The following HRK variants were observed in gnomAD, a reference collection of about 807,000 sequenced individuals.
HRK encodes the protein activator of apoptosis harakiri.
In HRK, 6 loss-of-function variants were observed where a neutral mutation model predicts 5.9. The ratio of observed to expected loss-of-function variants is 1.02; its 90% CI spans 0.56 to 2.01. The LOEUF is 2.01. HRK is among the 30% of genes most tolerant of loss of function. The probability of loss-of-function intolerance (pLI) is 0.00; values close to 1 mark genes in which losing one functional copy is unlikely to be tolerated. For synonymous variants in HRK, 85 were observed against 65.1 expected (o/e 1.31, Z -1.47); for missense variants, 133 against 128.3 (o/e 1.04, Z -0.18).
chr12:116,867,485 A>G (rs1408800132), intron 1 of HRK, among the ~76,000 whole-genome samples: 1 of 152,130 alleles, frequency 6.6e-6, no homozygotes, highest in African/African-American at 2.4e-5. Context: ...GTGCATGTCT[A>G]TAGTCCCAGC....
chr12:116,875,407 G>A (rs1878892659), intron 1 of HRK, among the ~76,000 whole-genome samples: 1 of 152,126 alleles, frequency 6.6e-6, no homozygotes, highest in South Asian at 2.1e-4. Flanking sequence ...ATGAAAGCAG[G>A]GAACTCTTAT....
Position 116,871,065 on chromosome 12 carries a change from C to T in HRK, c.*57-9599G>A, listed in dbSNP as rs753568151. Among the ~76,000 whole-genome samples, 106 of 149,206 alleles carry T rather than the reference C, an allele frequency of 7.1e-4. 1 individual carries two copies. The highest frequency in any genetic ancestry group is 1.2e-3 in the Non-Finnish European group (79 of 67,170). On this transcript the variant is annotated intron_variant, in intron 1 of 1. Coordinates refer to ENST00000257572, the MANE Select transcript of HRK (RefSeq NM_003806.4). ...TCCCAGGTAGCTGGGATTACAGGCA[C>T]GCGCCACCACGCCCAGCTAATTTTT...
At chr12:116,863,018 A>C (rs1028301955) in intron 1 of HRK, among the ~76,000 whole-genome samples, 1 of 152,186 alleles carries the variant, frequency 6.6e-6, no homozygotes, top group Non-Finnish European at 1.5e-5. Flanking sequence ...GATTACAGGC[A>C]TGAGCCACCG....
intron 1 of HRK, among the ~76,000 whole-genome samples, chr12:116,876,234 T>C (rs1284506106): frequency 6.6e-6 from 1 of 152,206 alleles, no homozygotes; most frequent in East Asian, 1.9e-4. Context: ...GTTCTGCACA[T>C]CTGGCCCCTT....
chr12:116,879,792 C>A lies in HRK; in HGVS notation c.*56+1184G>T, dbSNP rs1460487077. Among the ~76,000 whole-genome samples, 5 of 152,210 alleles carry A rather than the reference C, an allele frequency of 3.3e-5. No homozygotes were observed. Among genetic ancestry groups the A allele is most frequent in the Non-Finnish European group, 5.9e-5 (4 of 68,020 alleles). On this transcript the variant is annotated intron_variant, in intron 1 of 1. Transcript: ENST00000257572. This position sits in a 1 kb window ranked among gnomAD's most constrained non-coding sequence, Gnocchi z 5.6. ...CCCGCGGGCGCAGACGCTCGGGCCT[C>A]GCCTTCAGGCGCCGCTCCAACTTCC... is the stretch of plus-strand genomic sequence containing the variant.
chr12:116,864,265 G>A (rs1217568854), intron 1 of HRK, among the ~76,000 whole-genome samples: 2 of 152,206 alleles, frequency 1.3e-5, no homozygotes, highest in Non-Finnish European at 2.9e-5. Flanking sequence ...AGGTGGGATG[G>A]AAGGAGAGAC....
intron 1 of HRK, among the ~76,000 whole-genome samples, chr12:116,875,269 G>A (rs1565885134): frequency 6.6e-6 from 1 of 152,184 alleles, no homozygotes; most frequent in Non-Finnish European, 1.5e-5. Flanking sequence ...CTCCCGCCCA[G>A]AGACAGAGGG....
chr12:116,876,941 TG>T (rs1878954757), intron 1 of HRK: 1 of 152,350 alleles, frequency 6.6e-6, no homozygotes, highest in Non-Finnish European at 1.5e-5. Flanking sequence ...GCAGTTCCAC[TG>T]GGGATCACTT....
At chr12:116,876,403 T>G (rs537584025) in intron 1 of HRK, among the ~76,000 whole-genome samples, 5 of 152,332 alleles carry the variant, frequency 3.3e-5, no homozygotes, top group Admixed American at 1.3e-4. Flanking sequence ...ATCCCCAAAG[T>G]ACCTGCCAAG....
intron 1 of HRK, among the ~76,000 whole-genome samples, chr12:116,863,204 GTC>G: frequency 6.6e-6 from 1 of 152,320 alleles, no homozygotes; most frequent in South Asian, 2.1e-4. Flanking sequence ...GTTTGAAAAA[GTC>G]TGAGATGTTG....
At chr12:116,868,284 A>C (rs373580220) in intron 1 of HRK, among the ~76,000 whole-genome samples, 1 of 131,338 alleles carries the variant, frequency 7.6e-6, no homozygotes, top group East Asian at 2.2e-4. Flanking sequence ...GTGTTGGGAG[A>C]AAACCACGCA....
At chr12:116,866,821 C>T (rs1283585691) in intron 1 of HRK, among the ~76,000 whole-genome samples, 2 of 152,166 alleles carry the variant, frequency 1.3e-5, no homozygotes, top group African/African-American at 4.8e-5. Context: ...CAGCTCAGCA[C>T]AGAATCAACG....
rs1040741159 is a variant in HRK at position 116,859,070 on chromosome 12, C to G, written c.*2453G>C. The G allele has an allele frequency of 6.6e-6, 1 of 152,160 alleles. No homozygotes were observed. Among genetic ancestry groups the G allele is most frequent in the Admixed American group, 6.5e-5 (1 of 15,270 alleles). 9.4% of individuals were successfully genotyped at this position (152,160 alleles called of 1,614,324 possible). On this transcript the variant is annotated 3_prime_UTR_variant, in exon 2 of 2. Coordinates refer to ENST00000257572, the MANE Select transcript of HRK (RefSeq NM_003806.4). ...TCAGGATTCGATAAATACGTGGTCT[C>G]TAATAAAACAGGAGAATATCTACAA...
chr12:116,866,035 G>A (rs1435074429), intron 1 of HRK, among the ~76,000 whole-genome samples: 1 of 151,174 alleles, frequency 6.6e-6, no homozygotes, highest in Admixed American at 6.6e-5. Flanking sequence ...GCGCACACCT[G>A]TAATCCCAGC....
chr12:116,877,908 G>A (rs1218634495), intron 1 of HRK, among the ~76,000 whole-genome samples: 3 of 152,176 alleles, frequency 2.0e-5, no homozygotes, highest in East Asian at 3.9e-4. Context: ...ACACATATAT[G>A]TTTTAAATTA....
rs1415721968 is a variant in HRK at position 116,879,926 on chromosome 12, C to T, written c.*56+1050G>A. 6.6e-6 allele frequency among the ~76,000 whole-genome samples: 1 copy of T among 152,172 alleles called. No homozygotes were observed. Among genetic ancestry groups the T allele is most frequent in the Non-Finnish European group, 1.5e-5 (1 of 68,014 alleles). ...GCCCTAGACCCATCTATGGTGGGCT[C>T]AGCCTGATTCTCTCTCCCTCATTCT... On this transcript the variant is annotated intron_variant, in intron 1 of 1. Coordinates refer to ENST00000257572, the MANE Select transcript of HRK (RefSeq NM_003806.4). The surrounding 1 kb of genome is among the most constrained non-coding windows in gnomAD (Gnocchi z 5.6).
intron 1 of HRK, among the ~76,000 whole-genome samples, chr12:116,873,861 C>G (rs1878842452): frequency 6.6e-6 from 1 of 152,032 alleles, no homozygotes; most frequent in East Asian, 1.9e-4. Flanking sequence ...AACCAGAAGT[C>G]GTAAAAGGAT....
intron 1 of HRK, among the ~76,000 whole-genome samples, chr12:116,869,930 A>G (rs1878684765): frequency 1.3e-5 from 2 of 152,140 alleles, no homozygotes; most frequent in Admixed American, 6.5e-5. Flanking sequence ...AAATACAAAA[A>G]TTAGCTGGGC....
intron 1 of HRK, among the ~76,000 whole-genome samples, chr12:116,868,128 G>C (rs1418969878): frequency 4.9e-5 from 1 of 20,228 alleles, no homozygotes; most frequent in Non-Finnish European, 8.3e-5. Context: ...GAAAATGACT[G>C]ATTTTTTTTT....
Sources: gnomAD v4.1 joint callset for allele counts (sites outside exome capture counted in the v4.1 genomes callset) on GRCh38, gnomAD v4.1.1 for gene constraint, Gnocchi (gnomAD v3.1) non-coding constraint, MANE v1.5 for transcripts, NCBI Gene and HGNC (gene_info 2026-07-23, HGNC 2026-07-21) for gene names.